NR4A3: variants seen among roughly 807,000 people sequenced by gnomAD.
NR4A3 encodes nuclear receptor subfamily 4 group A member 3.
A neutral mutation model predicts 55.6 loss-of-function variants in NR4A3; 13 were observed. That is an observed-to-expected ratio of 0.23 (90% CI 0.15 to 0.37). The LOEUF is 0.37. Ranked by LOEUF, NR4A3 falls within the 10% of genes least tolerant of loss-of-function variation. NR4A3 has a pLI of 1.00. For synonymous variants in NR4A3, 342 were observed against 357.9 expected (o/e 0.96, Z 0.50); for missense variants, 646 against 822.8 (o/e 0.79, Z 2.63).
At chr9:99,824,569 G>A (rs1422515713) in intron 1 of NR4A3, among the ~76,000 whole-genome samples, 2 of 152,214 alleles carry the variant, frequency 1.3e-5, no homozygotes, top group African/African-American at 4.8e-5. Flanking sequence ...CTGGACCTGG[G>A]AGCCCCGAGT....
At chr9:99,839,138 G>C (rs1827607391) in intron 5 of NR4A3, among the ~76,000 whole-genome samples, 1 of 152,156 alleles carries the variant, frequency 6.6e-6, no homozygotes, top group Non-Finnish European at 1.5e-5. Flanking sequence ...TGGGAGGAGA[G>C]GAATTTTTTG....
At chr9:99,861,091 A>G (rs1412941409) in intron 7 of NR4A3, among the ~76,000 whole-genome samples, 1 of 152,240 alleles carries the variant, frequency 6.6e-6, no homozygotes, top group Non-Finnish European at 1.5e-5. Flanking sequence ...CAGAACCAGA[A>G]CTAGAACCTA....
Position 99,825,827 on chromosome 9 carries a change from C to T in NR4A3, c.-8C>T. On this transcript the variant is annotated 5_prime_UTR_variant, in exon 2 of 8. Coordinates refer to ENST00000395097, the MANE Select transcript of NR4A3 (RefSeq NM_006981.4). The surrounding 1 kb of genome is among the most constrained non-coding windows in gnomAD (Gnocchi z 5.0). The stretch of plus-strand genomic sequence containing the variant: ...CCCACCATTCAGCGCGCAAGATACC[C>T]TCCAGGTAGGTCCGAAGGCAAGACC... 1 of 173,920 alleles carries T rather than the reference C, an allele frequency of 5.7e-6. No individual in the cohort carries two copies. The highest frequency in any genetic ancestry group is 1.2e-5 in the Non-Finnish European group (1 of 80,252). 10.8% of individuals were successfully genotyped at this position (173,920 alleles called of 1,614,324 possible).
chr9:99,823,274 C>T (rs1307011722), intron 1 of NR4A3, among the ~76,000 whole-genome samples: 9 of 142,852 alleles, frequency 6.3e-5, no homozygotes, highest in African/African-American at 2.4e-4. Context: ...GAGACGAGAG[C>T]GGTCATGCGA....
At position 99,844,513 on chromosome 9, in the gene NR4A3, G is replaced by C. The variant is rs1827718839; in HGVS notation, c.1255-136G>C. ...GTGAGAATCACATGAGACTGTGAAT[G>C]TGAAGGGGTTTTATAAACTGTAACA... is the stretch of plus-strand genomic sequence containing the variant. On this transcript the variant is annotated intron_variant, in intron 5 of 7. Transcript: ENST00000395097. 3 of 655,454 alleles carry C rather than the reference G, an allele frequency of 4.6e-6. No homozygotes were observed. In the South Asian group the frequency reaches 5.6e-5, roughly 12 times the overall value. The allele number at this position is 655,454 out of a possible 1,614,324, so 40.6% of individuals were successfully genotyped here. A position where few individuals can be genotyped will look rare whatever the true frequency, so the allele number is the denominator to read the frequency against.
chr9:99,837,673 C>T (rs201482956), intron 5 of NR4A3, among the ~76,000 whole-genome samples: 10 of 151,908 alleles, frequency 6.6e-5, no homozygotes, highest in Non-Finnish European at 1.2e-4. Context: ...ACTCCTTAGC[C>T]GTGTTTTAGT....
At chr9:99,834,024 C>A in intron 5 of NR4A3, 3 of 1,098,264 alleles carry the variant, frequency 2.7e-6, no homozygotes, top group Non-Finnish European at 3.3e-6. Context: ...CTCTCTCCTG[C>A]CTACAGTGGA....
At position 99,822,112 on chromosome 9, in the gene NR4A3, T is replaced by G. The variant is rs956305616; in HGVS notation, c.-472T>G. 6.6e-6 allele frequency: 1 copy of G among 152,668 alleles called. No homozygotes were observed. The highest frequency in any genetic ancestry group is 1.5e-5 in the Non-Finnish European group (1 of 68,196). 9.5% of individuals were successfully genotyped at this position (152,668 alleles called of 1,614,324 possible). On this transcript the variant is annotated 5_prime_UTR_variant, in exon 1 of 8. Transcript: ENST00000395097. The surrounding 1 kb of genome is among the most constrained non-coding windows in gnomAD (Gnocchi z 4.9). ...GCGCGGCGCCGCAGCTGGACGCCCC[T>G]CCCGGGCTCACTTTGCAACGCTGAC...
chr9:99,832,840 C>T, intron 4 of NR4A3, 22 bp downstream of exon 4: 1 of 1,478,534 alleles, frequency 6.8e-7, no homozygotes, highest in Non-Finnish European at 9.1e-7. Flanking sequence ...ATGCTTTTTA[C>T]CCAGTTTGCT....
chr9:99,823,614 AC>A (rs1344531803), intron 1 of NR4A3, among the ~76,000 whole-genome samples: 2 of 152,020 alleles, frequency 1.3e-5, no homozygotes, highest in Non-Finnish European at 2.9e-5. Flanking sequence ...AAGCTGCCTA[AC>A]GTGGCTGATG....
chr9:99,847,387 G>A, intron 6 of NR4A3, 50 bp from the exon 7 acceptor site: 1 of 1,546,310 alleles, frequency 6.5e-7, no homozygotes, highest in Non-Finnish European at 8.9e-7. Flanking sequence ...TTATCATGTT[G>A]GACAGATTGA....
At chr9:99,862,547 CTCAAAAAAAAAAAAAA>C (rs1564041141) in intron 7 of NR4A3, among the ~76,000 whole-genome samples, 1 of 34,872 alleles carries the variant, frequency 2.9e-5, no homozygotes, top group South Asian at 2.0e-3. Flanking sequence ...AAGACTCTGT[CTCAAAAAAAAAAAAAA>C]AAAAAAAAAA....
chr9:99,826,393 C>T (rs1243771789), intron 2 of NR4A3, among the ~76,000 whole-genome samples: 1 of 152,150 alleles, frequency 6.6e-6, no homozygotes, highest in African/African-American at 2.4e-5. Flanking sequence ...TGTGTGGGCA[C>T]CATAGATAAT....
At chr9:99,851,589 C>T (rs2118137169) in intron 7 of NR4A3, among the ~76,000 whole-genome samples, 1 of 152,258 alleles carries the variant, frequency 6.6e-6, no homozygotes, top group Non-Finnish European at 1.5e-5. Flanking sequence ...TCTGTACCCC[C>T]TCATGAAAAA....
chr9:99,863,710 C>G lies in NR4A3; in HGVS notation c.1724C>G (p.Ala575Gly), dbSNP rs768745206. 7 of 1,613,984 alleles carry G rather than the reference C, an allele frequency of 4.3e-6. No individual in the cohort carries two copies. Among genetic ancestry groups the G allele is most frequent in the Non-Finnish European group, 5.9e-6 (7 of 1,179,974 alleles). The part of the protein sequence containing the change: ...SLKDHQSKGQ[A>G]LEPTESKVLG... ...AAAGACCACCAGAGTAAGGGACAGG[C>G]TCTGGAGCCCACCGAGTCCAAGGTC... The change falls in exon 8 of 8, where the codon GCT (alanine) becomes GGT (glycine). Residue 575 changes from alanine (A) to glycine (G), a missense_variant. Ala to Gly is a moderately conservative substitution (Grantham distance 60, BLOSUM62 0). This residue lies in a region of NR4A3 where 163 missense variants were observed against 233.0 expected (regional missense o/e 0.70). Transcript: ENST00000395097.
intron 5 of NR4A3, 34 bp from the exon 6 acceptor site, chr9:99,844,615 A>G: frequency 6.4e-7 from 1 of 1,574,624 alleles, no homozygotes; most frequent in Non-Finnish European, 8.7e-7. Context: ...CCACTGAAGC[A>G]GGATAATGCT....
rs925241586 is a variant in NR4A3 at position 99,865,517 on chromosome 9, G to A, written c.*1650G>A. ...TGTTTGAAGATTTTTAGGTCTAAAA[G>A]TCTTTATATTATATACTCTGTATCA... On this transcript the variant is annotated 3_prime_UTR_variant, in exon 8 of 8. Coordinates refer to ENST00000395097, the MANE Select transcript of NR4A3 (RefSeq NM_006981.4). The surrounding 1 kb of genome is among the most constrained non-coding windows in gnomAD (Gnocchi z 4.3). The A allele has an allele frequency of 5.4e-6, 1 of 183,892 alleles. No homozygotes were observed. Among genetic ancestry groups the A allele is most frequent in the Admixed American group, 6.3e-5 (1 of 15,988 alleles). 11.4% of individuals were successfully genotyped at this position (183,892 alleles called of 1,614,324 possible).
Position 99,842,645 on chromosome 9 carries a change from G to A in NR4A3, c.1255-2004G>A, listed in dbSNP as rs185145880. On this transcript the variant is annotated intron_variant, in intron 5 of 7. Coordinates refer to ENST00000395097, the MANE Select transcript of NR4A3 (RefSeq NM_006981.4). ...ACTCGGGAGGCTGAGGCACGGAATC[G>A]CTTGAACCCAGGAGGTGGAGGTTTC... Among the ~76,000 whole-genome samples, 686 of 152,110 alleles carry A rather than the reference G, an allele frequency of 4.5e-3. 6 individuals carry two copies. Among genetic ancestry groups the A allele is most frequent in the African/African-American group, 0.016 (662 of 41,492 alleles).
chr9:99,835,108 T>A (rs2118547352), intron 5 of NR4A3: 1 of 170,892 alleles, frequency 5.9e-6, no homozygotes, highest in Non-Finnish European at 1.2e-5. Flanking sequence ...TTCGTGAAGA[T>A]TAATTAACAA....
Sources: allele counts gnomAD v4.1 joint callset (sites outside exome capture counted in the v4.1 genomes callset), GRCh38; gene constraint gnomAD v4.1.1; regional missense constraint gnomAD v4.1.1; non-coding constraint Gnocchi (gnomAD v3.1); transcripts MANE v1.5; gene names NCBI Gene and HGNC (gene_info 2026-07-23, HGNC 2026-07-21).